ERC2: variants seen among roughly 807,000 people sequenced by gnomAD.
The protein encoded by ERC2 is ERC protein 2.
A neutral mutation model predicts 114.8 loss-of-function variants in ERC2; 42 were observed. The ratio of observed to expected loss-of-function variants is 0.37; its 90% CI spans 0.29 to 0.47. The LOEUF (loss-of-function observed/expected upper bound fraction) is 0.47, where lower values mean the gene tolerates loss of function less well. Ranked by LOEUF, ERC2 falls within the 20% of genes least tolerant of loss-of-function variation. ERC2 has a pLI of 0.99. For synonymous variants in ERC2, 454 were observed against 425.5 expected (o/e 1.07, Z -0.82); for missense variants, 939 against 1,150.7 (o/e 0.82, Z 2.66).
chr3:55,568,565 C>T (rs1052856748), intron 17 of ERC2, among the ~76,000 whole-genome samples: 1 of 152,196 alleles, frequency 6.6e-6, no homozygotes, highest in Non-Finnish European at 1.5e-5. Flanking sequence ...ATACTATTAC[C>T]TTTCACTTGA....
chr3:55,661,149 A>G (rs1353156993), intron 17 of ERC2, among the ~76,000 whole-genome samples: 1 of 152,208 alleles, frequency 6.6e-6, no homozygotes, highest in East Asian at 1.9e-4. Flanking sequence ...ACTTTAAAAA[A>G]TATCTATTTA....
At chr3:56,196,901 T>C (rs1251648221) in intron 3 of ERC2, among the ~76,000 whole-genome samples, 4 of 152,128 alleles carry the variant, frequency 2.6e-5, no homozygotes, top group African/African-American at 9.7e-5. Flanking sequence ...TTAGAATCCC[T>C]GGGAATAACA....
chr3:55,658,439 T>A (rs377060188), intron 17 of ERC2: 15 of 152,332 alleles, frequency 9.8e-5, no homozygotes, highest in African/African-American at 3.6e-4. Context: ...TCCCTCTGAG[T>A]GACCAAGTCT....
intron 14 of ERC2, among the ~76,000 whole-genome samples, chr3:55,787,288 C>T (rs143478328): frequency 0.024 from 3,579 of 151,892 alleles, 139 homozygotes; most frequent in African/African-American, 0.081. Flanking sequence ...TGGTGGTGCG[C>T]GCCTGTAGTC....
chr3:56,132,947 A>T (rs2080292924), intron 6 of ERC2, among the ~76,000 whole-genome samples: 1 of 152,228 alleles, frequency 6.6e-6, no homozygotes, highest in Non-Finnish European at 1.5e-5. Context: ...GAGTTTGGGC[A>T]ATGACCTTCA....
At chr3:55,819,718 C>A (rs930145109) in intron 14 of ERC2, among the ~76,000 whole-genome samples, 1 of 152,182 alleles carries the variant, frequency 6.6e-6, no homozygotes, top group Non-Finnish European at 1.5e-5. Context: ...GATATTAGGA[C>A]GGCAGAGACA....
At chr3:55,635,056 T>C (rs776324726) in intron 17 of ERC2, among the ~76,000 whole-genome samples, 21 of 152,122 alleles carry the variant, frequency 1.4e-4, no homozygotes, top group Non-Finnish European at 2.5e-4. Flanking sequence ...TAATTTTTTA[T>C]TTTTAGTAGA....
chr3:56,007,674 C>A (rs545959550), intron 9 of ERC2, among the ~76,000 whole-genome samples: 147 of 152,180 alleles, frequency 9.7e-4, no homozygotes, highest in African/African-American at 3.3e-3. Context: ...TGCTGTCAGA[C>A]TATGCAGACA....
intron 17 of ERC2, among the ~76,000 whole-genome samples, chr3:55,663,074 A>T (rs1319712303): frequency 6.6e-6 from 1 of 152,248 alleles, no homozygotes; most frequent in Non-Finnish European, 1.5e-5. Flanking sequence ...CAAGCCTACT[A>T]AAATCACAGG....
intron 2 of ERC2, among the ~76,000 whole-genome samples, chr3:56,321,739 C>G (rs1313177232): frequency 1.3e-5 from 2 of 152,078 alleles, no homozygotes; most frequent in African/African-American, 4.8e-5. Flanking sequence ...TAAGTTTTTC[C>G]TGTTTGTAAA....
chr3:55,704,734 G>T lies in ERC2; in HGVS notation c.2713-5222C>A, dbSNP rs994126119. The stretch of plus-strand genomic sequence containing the variant: ...CAAAATGAAGTCAGAGGATGCAGAA[G>T]CTATTAAAGGAATGTGCCGCATTGG... On this transcript the variant is annotated intron_variant, in intron 15 of 17. Coordinates refer to ENST00000288221, the MANE Select transcript of ERC2 (RefSeq NM_015576.3). 6.4e-4 allele frequency among the ~76,000 whole-genome samples: 97 copies of T among 152,224 alleles called. 1 individual carries two copies. The highest frequency in any genetic ancestry group is 2.2e-3 in the African/African-American group (91 of 41,456).
In ERC2 at chr3:55,952,206, A is replaced by C. The variant is rs745475505; in HGVS notation, c.2268-1646T>G. 7.7e-3 allele frequency among the ~76,000 whole-genome samples: 918 copies of C among 119,414 alleles called. 49 individuals are homozygous for C. The highest frequency in any genetic ancestry group is 0.019 in the African/African-American group (686 of 36,522). 78.3% of individuals were successfully genotyped at this position (119,414 alleles called of 152,430 possible). A position where few individuals can be genotyped will look rare whatever the true frequency, so the allele number is the denominator to read the frequency against. On this transcript the variant is annotated intron_variant, in intron 12 of 17. Transcript: ENST00000288221. ...TCTCTCTCTCTCTCTCTCTATATAT[A>C]TATATATATATTCTGAACACTTTGT...
rs80148823 is a variant in ERC2 at position 55,947,420 on chromosome 3, G to A, written c.2403+3005C>T. Among the ~76,000 whole-genome samples, 52 of 152,246 alleles carry A rather than the reference G, an allele frequency of 3.4e-4. No homozygotes were observed. The East Asian group carries it at 7.5e-3, about 22-fold the overall frequency. ...TCCACCTCTCCTCGTATCTACTCCC[G>A]TACATTTTTGTCTTTGTGAGTCAAG... On this transcript the variant is annotated intron_variant, in intron 13 of 17. Coordinates refer to ENST00000288221, the MANE Select transcript of ERC2 (RefSeq NM_015576.3).
At chr3:56,024,847 C>A (rs1474132499) in intron 7 of ERC2, among the ~76,000 whole-genome samples, 1 of 152,184 alleles carries the variant, frequency 6.6e-6, no homozygotes, top group East Asian at 1.9e-4. Flanking sequence ...TTGACTCAGA[C>A]ACTTCTCCAA....
chr3:56,189,197 CA>C (rs2083829101), intron 3 of ERC2, among the ~76,000 whole-genome samples: 1 of 152,208 alleles, frequency 6.6e-6, no homozygotes, highest in Admixed American at 6.5e-5. Flanking sequence ...ATAACCTCCA[CA>C]GAATGAATCT....
chr3:56,408,306 A>G (rs1236219206), intron 2 of ERC2, among the ~76,000 whole-genome samples: 1 of 152,140 alleles, frequency 6.6e-6, no homozygotes, highest in East Asian at 1.9e-4. Flanking sequence ...TGTTATCCCT[A>G]TTTTATGGAT....
At chr3:55,713,385 A>G (rs939143742) in intron 15 of ERC2, among the ~76,000 whole-genome samples, 2 of 151,834 alleles carry the variant, frequency 1.3e-5, no homozygotes, top group Non-Finnish European at 2.9e-5. Context: ...TAATTTTTGT[A>G]TTTTTAGTAG....
chr3:56,309,710 C>T (rs1257825533), intron 2 of ERC2, among the ~76,000 whole-genome samples: 2 of 152,144 alleles, frequency 1.3e-5, no homozygotes. Flanking sequence ...ATACAAACAC[C>T]ACAGGAGATG....
At chr3:55,881,794 TAGG>T (rs1250108378) in intron 14 of ERC2, among the ~76,000 whole-genome samples, 1 of 152,278 alleles carries the variant, frequency 6.6e-6, no homozygotes, top group South Asian at 2.1e-4. Flanking sequence ...TCCTTTAAAA[TAGG>T]AGTAAATGTA....
Sources: allele counts gnomAD v4.1 joint callset (sites outside exome capture counted in the v4.1 genomes callset), GRCh38; gene constraint gnomAD v4.1.1; transcripts MANE v1.5; gene names NCBI Gene and HGNC (gene_info 2026-07-23, HGNC 2026-07-21).